The following AGBL1 variants were observed in gnomAD, a reference collection of about 807,000 sequenced individuals.
AGBL1 encodes the protein AGBL carboxypeptidase 1.
A neutral mutation model predicts 118.9 loss-of-function variants in AGBL1; 130 were observed. The observed-to-expected ratio is 1.09, with a 90% CI of 0.95 to 1.26. The LOEUF is 1.26. Ranked by LOEUF, AGBL1 falls within the 50% of genes most tolerant of loss-of-function variation. The pLI, the probability that AGBL1 is intolerant of heterozygous loss-of-function variation, is 0.00. For missense variants in AGBL1, 1,584 were observed against 1,298.1 expected (o/e 1.22, Z -3.38); for synonymous variants, 555 against 478.9 (o/e 1.16, Z -2.08).
chr15:86,101,387 G>A (rs986169694), intron 1 of AGBL1, among the ~76,000 whole-genome samples: 7 of 127,882 alleles, frequency 5.5e-5, no homozygotes, highest in South Asian at 5.5e-4. Flanking sequence ...GGTCTAATAC[G>A]TAGCTTAAAT....
chr15:86,680,755 C>A (rs1011573236), intron 22 of AGBL1, among the ~76,000 whole-genome samples: 1 of 151,418 alleles, frequency 6.6e-6, no homozygotes, highest in Non-Finnish European at 1.5e-5. Context: ...TTAGTAGAGA[C>A]AGGTTTTCAC....
intron 1 of AGBL1, among the ~76,000 whole-genome samples, chr15:86,103,100 T>C (rs949262025): frequency 6.6e-6 from 1 of 152,194 alleles, no homozygotes; most frequent in African/African-American, 2.4e-5. Flanking sequence ...TGTTGAAGTA[T>C]TTTTTATTCA....
intron 22 of AGBL1, among the ~76,000 whole-genome samples, chr15:86,699,249 C>G (rs75516388): frequency 4.0e-5 from 6 of 151,642 alleles, no homozygotes; most frequent in Non-Finnish European, 7.4e-5. Context: ...CATTTTTTTC[C>G]AAATCATTTA....
chr15:86,497,072 T>C (rs2082863686), intron 18 of AGBL1, among the ~76,000 whole-genome samples: 1 of 152,014 alleles, frequency 6.6e-6, no homozygotes, highest in African/African-American at 2.4e-5. Context: ...ATGAGGACAT[T>C]AGCAAAGCTG....
intron 17 of AGBL1, among the ~76,000 whole-genome samples, chr15:86,304,007 G>A (rs906344348): frequency 2.6e-5 from 4 of 152,178 alleles, no homozygotes; most frequent in Admixed American, 1.3e-4. Flanking sequence ...CGTAACTGTT[G>A]TACTGACTGC....
intron 18 of AGBL1, among the ~76,000 whole-genome samples, chr15:86,406,528 C>T (rs1318827565): frequency 1.3e-5 from 2 of 152,116 alleles, no homozygotes; most frequent in African/African-American, 2.4e-5. Flanking sequence ...AGGACTATTG[C>T]ATTGTATAAT....
At chr15:86,370,770 C>G (rs975965154) in intron 17 of AGBL1, among the ~76,000 whole-genome samples, 7 of 152,214 alleles carry the variant, frequency 4.6e-5, no homozygotes, top group African/African-American at 1.7e-4. Context: ...CCTCCTTCCA[C>G]TCCTCTTTCC....
intron 18 of AGBL1, among the ~76,000 whole-genome samples, chr15:86,435,273 C>G (rs111413612): frequency 4.6e-5 from 7 of 152,214 alleles, no homozygotes; most frequent in African/African-American, 1.7e-4. Flanking sequence ...TGTTTTAGCT[C>G]TGAGTTGAGG....
chr15:86,322,853 G>C (rs2080124320), intron 17 of AGBL1, among the ~76,000 whole-genome samples: 1 of 152,190 alleles, frequency 6.6e-6, no homozygotes, highest in South Asian at 2.1e-4. Context: ...GCCAAGTGCA[G>C]TAATTTTTCT....
chr15:86,370,483 A>G (rs984430662), intron 17 of AGBL1, among the ~76,000 whole-genome samples: 3 of 151,794 alleles, frequency 2.0e-5, no homozygotes, highest in African/African-American at 7.3e-5. Context: ...GCTTGTAGAG[A>G]CCGGGTTTCA....
chr15:86,161,891 G>A (rs998710697), intron 5 of AGBL1, among the ~76,000 whole-genome samples: 1 of 152,182 alleles, frequency 6.6e-6, no homozygotes, highest in Non-Finnish European at 1.5e-5. Flanking sequence ...ATTTCTTAAA[G>A]CATGAATGTC....
chr15:86,305,600 C>T (rs2079826805), intron 17 of AGBL1, among the ~76,000 whole-genome samples: 1 of 152,124 alleles, frequency 6.6e-6, no homozygotes, highest in African/African-American at 2.4e-5. Context: ...CCTTGTCTAA[C>T]AAATGCATAA....
chr15:86,147,186 T>C lies in AGBL1; in HGVS notation c.262+3341T>C, dbSNP rs148277179. Among the ~76,000 whole-genome samples the C allele has an allele frequency of 1.2e-4, 19 of 152,288 alleles. No individual in the cohort carries two copies. The East Asian group carries it at 3.7e-3, about 29-fold the overall frequency. On this transcript the variant is annotated intron_variant, in intron 3 of 22. Transcript: ENST00000614907. ...AGGAACAGCTCCGGTCTGCAGCAACTAGCGTGACTGACGCAGAAGATGGGT... is the reference window on the plus strand; with the variant it reads ...AGGAACAGCTCCGGTCTGCAGCAACCAGCGTGACTGACGCAGAAGATGGGT...
intron 18 of AGBL1, among the ~76,000 whole-genome samples, chr15:86,429,551 G>A (rs2081909976): frequency 6.6e-6 from 1 of 152,338 alleles, no homozygotes; most frequent in African/African-American, 2.4e-5. Flanking sequence ...ACAGGCAAGT[G>A]TTGCACAAAT....
chr15:86,535,824 G>T (rs190312599), intron 19 of AGBL1, among the ~76,000 whole-genome samples: 2 of 152,132 alleles, frequency 1.3e-5, no homozygotes, highest in Non-Finnish European at 2.9e-5. Flanking sequence ...AACCCTTGTC[G>T]CCAAGGGCCT....
intron 5 of AGBL1, among the ~76,000 whole-genome samples, chr15:86,167,592 T>A (rs1162777470): frequency 6.6e-6 from 1 of 152,210 alleles, no homozygotes; most frequent in African/African-American, 2.4e-5. Flanking sequence ...CAGGGATGGA[T>A]TCCACACTCA....
At chr15:86,945,411 T>C (rs1325626870) in intron 23 of AGBL1, among the ~76,000 whole-genome samples, 1 of 152,002 alleles carries the variant, frequency 6.6e-6, no homozygotes, top group Non-Finnish European at 1.5e-5. Context: ...CTCACATCTG[T>C]AAATCCCAGC....
chr15:86,422,567 G>A (rs900438339), intron 18 of AGBL1, among the ~76,000 whole-genome samples: 5 of 152,054 alleles, frequency 3.3e-5, no homozygotes, highest in Admixed American at 3.3e-4. Flanking sequence ...AAATTCAAAA[G>A]CTAGCAGAAA....
intron 22 of AGBL1, among the ~76,000 whole-genome samples, chr15:86,863,905 G>A (rs1017359331): frequency 2.0e-5 from 3 of 152,144 alleles, no homozygotes; most frequent in Non-Finnish European, 2.9e-5. Flanking sequence ...GGTTTGTTAC[G>A]TGAAGTAGAT....
Sources: gnomAD v4.1 joint callset for allele counts (sites outside exome capture counted in the v4.1 genomes callset) on GRCh38, gnomAD v4.1.1 for gene constraint, MANE v1.5 for transcripts, NCBI Gene and HGNC (gene_info 2026-07-23, HGNC 2026-07-21) for gene names.